The following KIF26B variants were observed in gnomAD, a reference collection of about 807,000 sequenced individuals.
KIF26B encodes kinesin family member 26B, also known as kinesin-like protein KIF26B.
KIF26B carries 63 observed loss-of-function variants against 151.2 expected under a neutral mutation model. The ratio of observed to expected loss-of-function variants is 0.42; its 90% CI spans 0.34 to 0.51. KIF26B has a LOEUF of 0.51. Ranked by LOEUF, KIF26B falls within the 20% of genes least tolerant of loss-of-function variation. The pLI, the probability that KIF26B is intolerant of heterozygous loss-of-function variation, is 0.07. For synonymous variants in KIF26B, 1,357 were observed against 1,262.1 expected, an observed-to-expected ratio of 1.08 and a Z score of -1.59; for missense variants, 2,813 against 2,913.6, an observed-to-expected ratio of 0.97 and a Z score of 0.79.
intron 10 of KIF26B, among the ~76,000 whole-genome samples, chr1:245,677,047 T>C (rs1397089075): frequency 6.6e-6 from 1 of 152,172 alleles, no homozygotes; most frequent in Non-Finnish European, 1.5e-5. Context: ...TTCTACAGTG[T>C]TTCATAAAAA....
chr1:245,156,798 C>T, intron 2 of KIF26B, 115 bp downstream of exon 2: 2 of 598,898 alleles, frequency 3.3e-6, no homozygotes, highest in Non-Finnish European at 5.0e-6. Context: ...GCGAGAGCCC[C>T]CGGCGGCGCT....
chr1:245,699,147 C>A, intron 14 of KIF26B, 110 bp downstream of exon 14: 1 of 1,158,654 alleles, frequency 8.6e-7, no homozygotes, highest in South Asian at 1.5e-5. Flanking sequence ...CGTCCTCAGT[C>A]ACAGGATGCC....
chr1:245,459,232 T>C (rs751800972), intron 4 of KIF26B, among the ~76,000 whole-genome samples: 5 of 152,216 alleles, frequency 3.3e-5, no homozygotes, highest in Non-Finnish European at 7.3e-5. Flanking sequence ...AGTTTCTGCA[T>C]TTTGTTTGCA....
intron 4 of KIF26B, among the ~76,000 whole-genome samples, chr1:245,444,992 G>A (rs1206251039): frequency 6.6e-6 from 1 of 152,204 alleles, no homozygotes; most frequent in Non-Finnish European, 1.5e-5. Context: ...GTGTTAGGGA[G>A]TCTGGGGATC....
intron 9 of KIF26B, among the ~76,000 whole-genome samples, chr1:245,632,018 T>A (rs1015495660): frequency 6.6e-6 from 1 of 152,016 alleles, no homozygotes; most frequent in Non-Finnish European, 1.5e-5. Flanking sequence ...TGATCCTTTG[T>A]AATTTTTGTG....
intron 4 of KIF26B, among the ~76,000 whole-genome samples, chr1:245,514,224 CA>C (rs1377273012): frequency 6.6e-6 from 1 of 152,042 alleles, no homozygotes; most frequent in Non-Finnish European, 1.5e-5. Flanking sequence ...TTCCACTTGT[CA>C]GTTAAAAAAT....
intron 10 of KIF26B, among the ~76,000 whole-genome samples, chr1:245,676,821 T>TC (rs2044362188): frequency 6.6e-6 from 1 of 152,114 alleles, no homozygotes; most frequent in South Asian, 2.1e-4. Flanking sequence ...TCATCACACG[T>TC]CTCCTCCTGG....
At chr1:245,188,750 AT>A (rs1271094923) in intron 2 of KIF26B, among the ~76,000 whole-genome samples, 1 of 152,234 alleles carries the variant, frequency 6.6e-6, no homozygotes, top group African/African-American at 2.4e-5. Flanking sequence ...ACTCAAACAA[AT>A]ATCTGTACAC....
At chr1:245,205,851 CCCCCA>C in intron 2 of KIF26B, among the ~76,000 whole-genome samples, 1 of 134,816 alleles carries the variant, frequency 7.4e-6, no homozygotes, top group African/African-American at 2.8e-5. Context: ...CCCACCCACA[CCCCCA>C]CCCCCACCAA....
intron 5 of KIF26B, among the ~76,000 whole-genome samples, chr1:245,586,866 C>T (rs1463419258): frequency 6.9e-6 from 1 of 145,952 alleles, no homozygotes; most frequent in Non-Finnish European, 1.5e-5. Flanking sequence ...GCAGTCCGGC[C>T]TGGGTGACAG....
At chr1:245,442,620 G>A (rs1295081739) in intron 4 of KIF26B, among the ~76,000 whole-genome samples, 1 of 152,294 alleles carries the variant, frequency 6.6e-6, no homozygotes, top group East Asian at 1.9e-4. Context: ...CTGGGGGTTT[G>A]TCCTGATGGG....
chr1:245,181,130 C>T (rs1163747122), intron 2 of KIF26B, among the ~76,000 whole-genome samples: 2 of 152,178 alleles, frequency 1.3e-5, no homozygotes, highest in African/African-American at 4.8e-5. Flanking sequence ...ATCTCTTTCA[C>T]ATACAAATTC....
In KIF26B at chr1:245,231,675, AAGG is replaced by A. The variant is rs980674506; in HGVS notation, c.465+75006_465+75008del. ...AACTTTGTGGTTAAAGATGAGGGAG[AAGG>A]AGGAGGAGGAGGATAAGGAGGAAGA... On this transcript the variant is annotated intron_variant, in intron 2 of 14. Transcript: ENST00000407071. 2.6e-5 allele frequency among the ~76,000 whole-genome samples: 4 copies of A among 152,010 alleles called. 1 individual carries two copies. The highest frequency in any genetic ancestry group is 4.2e-4 in the South Asian group (2 of 4,812).
Position 245,686,739 on chromosome 1 carries a change from C to G in KIF26B, c.3756C>G (p.Ser1252Arg). 6.2e-7 allele frequency: 1 copy of G among 1,613,670 alleles called. No individual in the cohort carries two copies. The highest frequency in any genetic ancestry group is 8.5e-7 in the Non-Finnish European group (1 of 1,179,834). ...GCACGGCCCCCGTCTCCGAGGTCAG[C>G]ATCACACAGTTCTTGCCCCTCCCGA... ...YSSTAPVSEV[S>R]ITQFLPLPKM... The change falls in exon 12 of 15, where the codon AGC becomes AGG. Residue 1252 changes from serine (S) to arginine (R), a missense_variant. Physicochemically the swap from Ser to Arg is moderately radical, Grantham distance 110. This residue lies in a region of KIF26B where 2,060 missense variants were observed against 2,088.6 expected (regional missense o/e 0.99). Transcript: ENST00000407071. The surrounding 1 kb of genome is among the most constrained non-coding windows in gnomAD (Gnocchi z 5.6).
intron 4 of KIF26B, among the ~76,000 whole-genome samples, chr1:245,433,482 AG>A (rs1450654085): frequency 1.9e-4 from 28 of 146,466 alleles, no homozygotes; most frequent in African/African-American, 6.8e-4. Flanking sequence ...AAAAAAAAGA[AG>A]AAGAAGAAGA....
chr1:245,403,147 A>T (rs1024062539), intron 3 of KIF26B, among the ~76,000 whole-genome samples: 2 of 151,534 alleles, frequency 1.3e-5, no homozygotes, highest in African/African-American at 4.9e-5. Flanking sequence ...TTTTAAAAAA[A>T]TTTTTTGTAG....
intron 3 of KIF26B, among the ~76,000 whole-genome samples, chr1:245,388,602 G>A (rs1036439434): frequency 1.4e-4 from 21 of 152,240 alleles, no homozygotes; most frequent in Admixed American, 1.0e-3. Flanking sequence ...TCTGCCTCCC[G>A]CCTTCCCTAG....
At chr1:245,209,683 G>C (rs887434399) in intron 2 of KIF26B, among the ~76,000 whole-genome samples, 1 of 152,180 alleles carries the variant, frequency 6.6e-6, no homozygotes, top group African/African-American at 2.4e-5. Flanking sequence ...GGTAAATTCC[G>C]AGAACATTGT....
At chr1:245,646,952 A>G (rs1162433547) in intron 10 of KIF26B, among the ~76,000 whole-genome samples, 1 of 152,080 alleles carries the variant, frequency 6.6e-6, no homozygotes, top group Non-Finnish European at 1.5e-5. Flanking sequence ...CATCACCCCA[A>G]CTAAGCGTTC....
Sources: allele counts gnomAD v4.1 joint callset (sites outside exome capture counted in the v4.1 genomes callset), GRCh38; gene constraint gnomAD v4.1.1; regional missense constraint gnomAD v4.1.1; non-coding constraint Gnocchi (gnomAD v3.1); transcripts MANE v1.5; gene names NCBI Gene and HGNC (gene_info 2026-07-23, HGNC 2026-07-21).